Variants in SHOC2 observed in about 807,000 individuals in gnomAD.
SHOC2 encodes SHOC2 leucine rich repeat scaffold protein, also known as leucine-rich repeat protein SHOC-2.
Under a neutral mutation model 50.2 loss-of-function variants are expected in SHOC2, and 4 were observed. That is an observed-to-expected ratio of 0.08 (90% CI 0.04 to 0.18). SHOC2 has a LOEUF of 0.18. SHOC2 is among the 10% of genes least tolerant of loss of function. SHOC2 has a pLI of 1.00. For synonymous variants in SHOC2, 218 were observed against 244.5 expected (o/e 0.89, Z 1.01); for missense variants, 388 against 669.6 (o/e 0.58, Z 4.64).
At chr10:111,008,345 A>G (rs1480861322) in intron 6 of SHOC2, among the ~76,000 whole-genome samples, 1 of 151,538 alleles carries the variant, frequency 6.6e-6, no homozygotes, top group East Asian at 1.9e-4. Context: ...CATGTTTTTT[A>G]AAGGTCTAAT....
intron 2 of SHOC2, among the ~76,000 whole-genome samples, chr10:110,971,234 G>A (rs1847776192): frequency 6.6e-6 from 1 of 152,104 alleles, no homozygotes; most frequent in African/African-American, 2.4e-5. Flanking sequence ...TGTATATAGT[G>A]AGAGATAGGG....
chr10:110,943,169 C>G (rs1310200956), intron 1 of SHOC2, among the ~76,000 whole-genome samples: 2 of 151,644 alleles, frequency 1.3e-5, no homozygotes, highest in African/African-American at 4.8e-5. Flanking sequence ...TCTTTTCCTT[C>G]TTTCCTTCTG....
chr10:110,962,461 A>AT, intron 1 of SHOC2, among the ~76,000 whole-genome samples: 1 of 152,028 alleles, frequency 6.6e-6, no homozygotes, highest in African/African-American at 2.4e-5. Flanking sequence ...GTGCAAAATA[A>AT]TTTTTTTCTT....
chr10:110,952,284 A>G (rs1043388622), intron 1 of SHOC2, among the ~76,000 whole-genome samples: 1 of 152,152 alleles, frequency 6.6e-6, no homozygotes, highest in Non-Finnish European at 1.5e-5. Flanking sequence ...TTTCCACCCT[A>G]CAAGCGAAGT....
intron 3 of SHOC2, chr10:110,985,979 AAGAG>A (rs1373437756): frequency 1.9e-5 from 10 of 516,424 alleles, no homozygotes; most frequent in Admixed American, 3.1e-5. Flanking sequence ...GGGATTATAA[AAGAG>A]AGAGAATATT....
At chr10:110,922,455 C>G (rs1266478362) in intron 1 of SHOC2, among the ~76,000 whole-genome samples, 3 of 137,288 alleles carry the variant, frequency 2.2e-5, no homozygotes, top group Non-Finnish European at 3.2e-5. Flanking sequence ...CTTTAAACTT[C>G]AGATATTTTG....
rs1564705752 is a variant in SHOC2, at chr10:110,940,910, G to GGTTTTTTTTTTTTTTTTTTT, written c.-235+21253_-235+21254insGTTTTTTTTTTTTTTTTTTT. 5.9e-5 allele frequency among the ~76,000 whole-genome samples: 7 copies of GGTTTTTTTTTTTTTTTTTTT among 119,504 alleles called. 2 individuals are homozygous for GGTTTTTTTTTTTTTTTTTTT. Among genetic ancestry groups the GGTTTTTTTTTTTTTTTTTTT allele is most frequent in the African/African-American group, 1.6e-4 (5 of 31,418 alleles). The allele number at this position is 119,504 out of a possible 152,430, so 78.4% of individuals were successfully genotyped here. A position where few individuals can be genotyped will look rare whatever the true frequency, so the allele number is the denominator to read the frequency against. On this transcript the variant is annotated intron_variant, in intron 1 of 8. Transcript: ENST00000369452. ...GACAAAATAGTGGTATTTGTGGTGGGTTTTTTTTTTTTTTTTTTTTTTTTT... is the reference window on the plus strand; with the variant it reads ...GACAAAATAGTGGTATTTGTGGTGGGGTTTTTTTTTTTTTTTTTTTTTTTTTTTTTTTTTTTTTTTTTTTT...
At chr10:110,946,413 T>G (rs1847247537) in intron 1 of SHOC2, among the ~76,000 whole-genome samples, 1 of 150,132 alleles carries the variant, frequency 6.7e-6, no homozygotes, top group Non-Finnish European at 1.5e-5. Flanking sequence ...AACCAAATAG[T>G]CAGAAGCCCC....
At chr10:111,001,232 G>A (rs1414917735) in intron 4 of SHOC2, among the ~76,000 whole-genome samples, 1 of 147,636 alleles carries the variant, frequency 6.8e-6, no homozygotes, top group Non-Finnish European at 1.5e-5. Context: ...ATCTTGGCTC[G>A]GCTGCAACCT....
At position 110,919,667 on chromosome 10, in the gene SHOC2, G is replaced by C. The variant is rs976167958; in HGVS notation, c.-235+10G>C. On this transcript the variant is annotated intron_variant, in intron 1 of 8. Coordinates refer to ENST00000369452, the MANE Select transcript of SHOC2 (RefSeq NM_007373.4). The stretch of plus-strand genomic sequence containing the variant: ...GTCGGGGCTCCTGACGGTAACTCGG[G>C]GCCGATGAGGCGGAGGGTGTCTGTT... 3 of 398,824 alleles carry C rather than the reference G, an allele frequency of 7.5e-6. No homozygotes were observed. The allele number at this position is 398,824 out of a possible 1,614,324, so 24.7% of individuals were successfully genotyped here.
In SHOC2 at chr10:110,976,453, A is replaced by G. The variant is rs1248019777; in HGVS notation, c.704-9175A>G. Among the ~76,000 whole-genome samples the G allele has an allele frequency of 4.6e-5, 7 of 151,482 alleles. No individual in the cohort carries two copies. In the East Asian group the frequency reaches 1.4e-3, roughly 29 times the overall value. On this transcript the variant is annotated intron_variant, in intron 2 of 8. Transcript: ENST00000369452. Reference sequence around the variant, plus strand: ...CAGCCTCCCGAGTCGCTGGGACTACAGGTGTGTGCACCACACCCAGCTAGT... The same window carrying G: ...CAGCCTCCCGAGTCGCTGGGACTACGGGTGTGTGCACCACACCCAGCTAGT...
At chr10:110,930,166 G>C (rs1170720998) in intron 1 of SHOC2, among the ~76,000 whole-genome samples, 1 of 152,156 alleles carries the variant, frequency 6.6e-6, no homozygotes, top group Non-Finnish European at 1.5e-5. Context: ...CAAACTGTCA[G>C]AATGGTAGAT....
intron 3 of SHOC2, chr10:110,986,004 T>G (rs1039878970): frequency 4.2e-6 from 2 of 471,330 alleles, no homozygotes; most frequent in Non-Finnish European, 7.7e-6. Context: ...GAGTTACATG[T>G]ATATATATTC....
In SHOC2 at chr10:111,012,222, A is replaced by G. The variant is rs539394184; in HGVS notation, c.*404A>G. 8.6e-4 allele frequency: 167 copies of G among 193,330 alleles called. No homozygotes were observed. The highest frequency in any genetic ancestry group is 1.6e-3 in the Non-Finnish European group (147 of 93,348). The allele number at this position is 193,330 out of a possible 1,614,324, so 12.0% of individuals were successfully genotyped here. A position where few individuals can be genotyped will look rare whatever the true frequency, so the allele number is the denominator to read the frequency against. ...CCCTTACCAATTGTTTTATCCTTATAGTATTGTAGGCCCTGAAAGTAGAAT... is the reference window on the plus strand; with the variant it reads ...CCCTTACCAATTGTTTTATCCTTATGGTATTGTAGGCCCTGAAAGTAGAAT... On this transcript the variant is annotated 3_prime_UTR_variant, in exon 9 of 9. Transcript: ENST00000369452.
At chr10:110,933,107 C>A (rs1846927102) in intron 1 of SHOC2, among the ~76,000 whole-genome samples, 1 of 151,958 alleles carries the variant, frequency 6.6e-6, no homozygotes, top group African/African-American at 2.4e-5. Flanking sequence ...TTATATAGAT[C>A]TTTTATGCAT....
chr10:110,923,232 T>C (rs954267774), intron 1 of SHOC2, among the ~76,000 whole-genome samples: 3 of 152,104 alleles, frequency 2.0e-5, no homozygotes, highest in African/African-American at 7.2e-5. Flanking sequence ...AAAATCTGAA[T>C]AATTTCTGAA....
rs557395446 is a variant in SHOC2, at chr10:110,937,251, G to A, written c.-235+17594G>A. On this transcript the variant is annotated intron_variant, in intron 1 of 8. Transcript: ENST00000369452. The stretch of plus-strand genomic sequence containing the variant: ...TCTGCCATCTTCGGCTGCCCCTTGG[G>A]AAAGCTGCTTTTTTTTTTTTTGGTC... 2.2e-5 allele frequency: 21 copies of A among 968,088 alleles called. No individual in the cohort carries two copies. The South Asian group carries it at 2.7e-4, about 13-fold the overall frequency. 60.0% of individuals were successfully genotyped at this position (968,088 alleles called of 1,614,324 possible).
intron 1 of SHOC2, among the ~76,000 whole-genome samples, chr10:110,950,520 A>G (rs1847331070): frequency 6.6e-6 from 1 of 152,218 alleles, no homozygotes; most frequent in African/African-American, 2.4e-5. Flanking sequence ...TAGGAAAAGC[A>G]ATCCTAAAAT....
In SHOC2 at chr10:111,000,640, G is replaced by A; in HGVS notation, c.972+95G>A. The A allele has an allele frequency of 2.6e-6, 3 of 1,134,552 alleles. No individual in the cohort carries two copies. In the South Asian group the frequency reaches 3.9e-5, roughly 15 times the overall value. The allele number at this position is 1,134,552 out of a possible 1,614,324, so 70.3% of individuals were successfully genotyped here. ...TCTTTATAGCAGGGTAAATAATTTG[G>A]TGATTGAGATTGTTTAAATAATGAG... On this transcript the variant is annotated intron_variant, in intron 4 of 8. Coordinates refer to ENST00000369452, the MANE Select transcript of SHOC2 (RefSeq NM_007373.4).
Sources: gnomAD v4.1 joint callset for allele counts (sites outside exome capture counted in the v4.1 genomes callset) on GRCh38, gnomAD v4.1.1 for gene constraint, MANE v1.5 for transcripts, NCBI Gene and HGNC (gene_info 2026-07-23, HGNC 2026-07-21) for gene names.